TRPV3: variants seen among roughly 807,000 people sequenced by gnomAD.
The protein encoded by TRPV3 is VRL-3.
A neutral mutation model predicts 87.1 loss-of-function variants in TRPV3; 88 were observed. The observed-to-expected ratio is 1.01, with a 90% CI of 0.85 to 1.21. TRPV3 has a LOEUF of 1.21. Among genes scored for constraint, TRPV3 ranks in the 50% most tolerant of loss-of-function variants. The pLI, the probability that TRPV3 is intolerant of heterozygous loss-of-function variation, is 0.00. For synonymous variants in TRPV3, 438 were observed against 423.3 expected (o/e 1.03, Z -0.43); for missense variants, 1,054 against 1,030.1 (o/e 1.02, Z -0.32).
chr17:3,553,965 A>G (rs322967), intron 2 of TRPV3: 47,155 of 152,316 alleles, frequency 0.31, 7,955 homozygotes, highest in South Asian at 0.41. Context: ...GAGGCACCCA[A>G]TGAGCTGGGG....
chr17:3,524,526 A>T (rs2074277655), intron 12 of TRPV3, among the ~76,000 whole-genome samples, 163 bp from the exon 13 acceptor site: 1 of 152,182 alleles, frequency 6.6e-6, no homozygotes, highest in African/African-American at 2.4e-5. Flanking sequence ...TGGCTACCAT[A>T]GAATTCAGCC....
intron 2 of TRPV3, among the ~76,000 whole-genome samples, chr17:3,547,979 G>A (rs1052311280): frequency 1.3e-5 from 2 of 152,176 alleles, no homozygotes; most frequent in East Asian, 1.9e-4. Flanking sequence ...TCTGGCTGAC[G>A]ACAACCCGGA....
chr17:3,554,481 G>GC, intron 2 of TRPV3: 1 of 378,714 alleles, frequency 2.6e-6, no homozygotes, highest in Non-Finnish European at 4.6e-6. Flanking sequence ...TCCTGCCTCA[G>GC]CACCCCCGAT....
At chr17:3,536,670 G>A (rs1006856852) in intron 6 of TRPV3, among the ~76,000 whole-genome samples, 8 of 152,304 alleles carry the variant, frequency 5.3e-5, no homozygotes, top group Non-Finnish European at 8.8e-5. Context: ...GAGAAAGGAG[G>A]AAGCCCAAAG....
At chr17:3,546,748 T>G (rs1220885218) in intron 2 of TRPV3, 1 of 451,300 alleles carries the variant, frequency 2.2e-6, no homozygotes, top group South Asian at 1.6e-5. Flanking sequence ...GAGGTCAAAG[T>G]GGGCAGATCA....
intron 6 of TRPV3, among the ~76,000 whole-genome samples, chr17:3,541,953 C>G (rs2074466345): frequency 1.3e-5 from 2 of 151,966 alleles, no homozygotes; most frequent in Admixed American, 1.3e-4. Flanking sequence ...CTTTTTCTTT[C>G]TGTCTTTACT....
intron 12 of TRPV3, among the ~76,000 whole-genome samples, chr17:3,524,689 G>A (rs957615901): frequency 3.3e-5 from 5 of 151,838 alleles, no homozygotes; most frequent in East Asian, 1.9e-4. Flanking sequence ...TTACCCACAC[G>A]GGCCTGGTGT....
At chr17:3,536,456 C>T (rs944126640) in intron 6 of TRPV3, among the ~76,000 whole-genome samples, 1 of 152,058 alleles carries the variant, frequency 6.6e-6, no homozygotes, top group Admixed American at 6.5e-5. Context: ...GCCGTGGGGG[C>T]GCATGCCTGT....
chr17:3,554,673 G>A, intron 2 of TRPV3, 59 bp downstream of exon 2: 6 of 1,233,324 alleles, frequency 4.9e-6, no homozygotes, highest in Non-Finnish European at 7.0e-6. Flanking sequence ...GGGGGTGCCA[G>A]GCCCCCACTC....
In TRPV3 at chr17:3,545,168, A is replaced by G; in HGVS notation, c.223T>C (p.Cys75Arg). ...GGTTGGGCTGGGGCCCGTACTCACC[A>G]CTGCCGGATGTTGGAATCCATGGGC... is the stretch of plus-strand genomic sequence containing the variant. ...SKPMDSNIRQ[C>R]ISGNCDDMDS... Residue 75 changes from cysteine to arginine, a missense_variant and splice_region_variant, in exon 3 of 18, where the codon TGC becomes CGC. Coordinates refer to ENST00000576742, the MANE Select transcript of TRPV3 (RefSeq NM_145068.4). 4.3e-6 allele frequency: 7 copies of G among 1,612,896 alleles called. No individual in the cohort carries two copies. Among genetic ancestry groups the G allele is most frequent in the Non-Finnish European group, 5.9e-6 (7 of 1,179,024 alleles).
chr17:3,542,084 G>A (rs2074468276), intron 6 of TRPV3, among the ~76,000 whole-genome samples: 1 of 151,914 alleles, frequency 6.6e-6, no homozygotes, highest in Admixed American at 6.6e-5. Context: ...AGCCTCCCAA[G>A]TAGCTGGGAT....
intron 7 of TRPV3, 30 bp downstream of exon 7, chr17:3,535,543 G>C: frequency 6.7e-7 from 1 of 1,503,616 alleles, no homozygotes; most frequent in South Asian, 1.2e-5. Flanking sequence ...CCTCCTCCCA[G>C]ACTCCGCACC....
chr17:3,543,290 C>T (rs2150801341), intron 5 of TRPV3, among the ~76,000 whole-genome samples, 184 bp downstream of exon 5: 1 of 152,282 alleles, frequency 6.6e-6, no homozygotes, highest in Non-Finnish European at 1.5e-5. Flanking sequence ...TCAGACCCGA[C>T]TCTCACCTGC....
At chr17:3,547,229 C>A (rs951435267) in intron 2 of TRPV3, among the ~76,000 whole-genome samples, 5 of 152,220 alleles carry the variant, frequency 3.3e-5, no homozygotes, top group African/African-American at 1.2e-4. Context: ...TCCACGCGGG[C>A]CTTCCTGGCT....
chr17:3,519,297 C>G lies in TRPV3; in HGVS notation c.1811-447G>C, dbSNP rs181321561. Among the ~76,000 whole-genome samples the G allele has an allele frequency of 1.2e-4, 19 of 152,220 alleles. No individual in the cohort carries two copies. The East Asian group carries it at 3.5e-3, about 28-fold the overall frequency. Reference sequence around the variant, plus strand: ...TCACACTTCCCTTCTTTCCAACACACCACAGTAGAGGTTCACTGCTGAATG... The same window carrying G: ...TCACACTTCCCTTCTTTCCAACACAGCACAGTAGAGGTTCACTGCTGAATG... On this transcript the variant is annotated intron_variant, in intron 14 of 17. Coordinates refer to ENST00000576742, the MANE Select transcript of TRPV3 (RefSeq NM_145068.4).
At chr17:3,525,501 C>T (rs546857983) in intron 12 of TRPV3, among the ~76,000 whole-genome samples, 1 of 151,996 alleles carries the variant, frequency 6.6e-6, no homozygotes. Flanking sequence ...TTTTACAGGA[C>T]GAAAACAGTT....
rs781045195 is a variant in TRPV3 at position 3,532,702 on chromosome 17, A to G, written c.1020T>C (p.Asp340=). The change falls in exon 8 of 18, where the codon GAT becomes GAC. Residue 340 remains aspartate (D), a synonymous_variant. Coordinates refer to ENST00000576742, the MANE Select transcript of TRPV3 (RefSeq NM_145068.4). ...NWELETTRNN[D]GLTPLQLAAK... ...CGGCCAGCTGCAGCGGCGTGAGGCC[A>G]TCGTTGTTGCGAGTGGTCTCCAGCT... is the stretch of plus-strand genomic sequence containing the variant. 5.6e-6 allele frequency: 9 copies of G among 1,614,196 alleles called. No individual in the cohort carries two copies. The highest frequency in any genetic ancestry group is 7.6e-6 in the Non-Finnish European group (9 of 1,180,020).
chr17:3,546,900 A>C, intron 2 of TRPV3: 1 of 278,560 alleles, frequency 3.6e-6, no homozygotes, highest in South Asian at 3.2e-5. Context: ...ACCGGGAGGC[A>C]GAGGTTGCGG....
intron 12 of TRPV3, among the ~76,000 whole-genome samples, chr17:3,526,019 C>T (rs552299873): frequency 2.0e-5 from 3 of 152,292 alleles, no homozygotes; most frequent in African/African-American, 7.2e-5. Flanking sequence ...ATTATGCAGA[C>T]ATCTGGATAA....
Sources: allele counts gnomAD v4.1 joint callset (sites outside exome capture counted in the v4.1 genomes callset), GRCh38; gene constraint gnomAD v4.1.1; transcripts MANE v1.5; gene names NCBI Gene and HGNC (gene_info 2026-07-23, HGNC 2026-07-21).